Variants in ABCC4 observed in about 807,000 individuals in gnomAD.
ABCC4 encodes the protein ATP-binding cassette sub-family C member 4.
Under a neutral mutation model 168.5 loss-of-function variants are expected in ABCC4, and 102 were observed. The ratio of observed to expected loss-of-function variants is 0.61; its 90% CI spans 0.52 to 0.71. ABCC4 has a LOEUF of 0.71. Among genes scored for constraint, ABCC4 ranks in the 30% least tolerant of loss-of-function variants. The pLI is 0.00. For missense variants in ABCC4, 1,402 were observed against 1,605.8 expected (o/e 0.87, Z 2.17); for synonymous variants, 617 against 590.7 (o/e 1.04, Z -0.65).
At chr13:95,248,623 C>T (rs976999284) in intron 1 of ABCC4, among the ~76,000 whole-genome samples, 8 of 152,176 alleles carry the variant, frequency 5.3e-5, no homozygotes, top group Middle Eastern at 6.8e-3. Context: ...TAATAATTAA[C>T]ATGCACCAGG....
intron 19 of ABCC4, among the ~76,000 whole-genome samples, chr13:95,128,493 C>A (rs1333294086): frequency 3.3e-5 from 5 of 152,232 alleles, no homozygotes; most frequent in South Asian, 2.1e-4. Context: ...ATGCACAGGG[C>A]GTCTGCAAGT....
intron 4 of ABCC4, among the ~76,000 whole-genome samples, chr13:95,232,101 A>C (rs1450437697): frequency 2.8e-5 from 2 of 72,358 alleles, no homozygotes; most frequent in Non-Finnish European, 7.5e-5. Context: ...AACACAGATG[A>C]TGATGATGCT....
chr13:95,111,266 T>C (rs909779540), intron 20 of ABCC4, among the ~76,000 whole-genome samples: 8 of 152,186 alleles, frequency 5.3e-5, no homozygotes, highest in East Asian at 1.9e-4. Flanking sequence ...TTCAAAGCTG[T>C]TACAAGTTTT....
chr13:95,239,478 T>C (rs2039871432), intron 3 of ABCC4, among the ~76,000 whole-genome samples: 1 of 152,206 alleles, frequency 6.6e-6, no homozygotes, highest in Non-Finnish European at 1.5e-5. Flanking sequence ...CAAAAACTGT[T>C]CAGGGAGCCT....
At chr13:95,226,632 A>C (rs1458509628) in intron 4 of ABCC4, among the ~76,000 whole-genome samples, 3 of 152,202 alleles carry the variant, frequency 2.0e-5, no homozygotes, top group African/African-American at 7.2e-5. Context: ...GACTGCTCTG[A>C]GTCCATGATT....
chr13:95,024,100 G>C (rs1166771877), intron 30 of ABCC4, among the ~76,000 whole-genome samples: 1 of 151,600 alleles, frequency 6.6e-6, no homozygotes, highest in African/African-American at 2.4e-5. Flanking sequence ...CCAGCTACTC[G>C]GGAGGCTGAG....
At chr13:95,218,125 T>C (rs1414528448) in intron 4 of ABCC4, among the ~76,000 whole-genome samples, 18 of 152,226 alleles carry the variant, frequency 1.2e-4, no homozygotes, top group Non-Finnish European at 1.5e-5. Flanking sequence ...ACCCCAGAGT[T>C]GAGTTTGTGA....
chr13:95,047,037 T>G (rs2032607701), intron 27 of ABCC4, among the ~76,000 whole-genome samples: 1 of 152,232 alleles, frequency 6.6e-6, no homozygotes. Context: ...TGCAACTTCA[T>G]GGAAATGTCT....
At chr13:95,081,187 T>C (rs1455698639) in intron 21 of ABCC4, among the ~76,000 whole-genome samples, 1 of 147,660 alleles carries the variant, frequency 6.8e-6, no homozygotes, top group Non-Finnish European at 1.5e-5. Flanking sequence ...ATGAAAATGT[T>C]TTCAAGCTTT....
intron 20 of ABCC4, among the ~76,000 whole-genome samples, chr13:95,114,158 G>A (rs1191913725): frequency 6.6e-6 from 1 of 152,176 alleles, no homozygotes; most frequent in East Asian, 1.9e-4. Flanking sequence ...CCAAGATTAT[G>A]TGAGTGGATA....
intron 19 of ABCC4, among the ~76,000 whole-genome samples, chr13:95,136,258 C>T (rs2036141198): frequency 6.6e-6 from 1 of 152,030 alleles, no homozygotes; most frequent in South Asian, 2.1e-4. Flanking sequence ...CTGCAACCTC[C>T]GTCTTCTGGG....
At chr13:95,111,475 GC>G (rs2035202993) in intron 20 of ABCC4, among the ~76,000 whole-genome samples, 1 of 151,976 alleles carries the variant, frequency 6.6e-6, no homozygotes, top group Non-Finnish European at 1.5e-5. Flanking sequence ...CTTAATTCTG[GC>G]TTTCCTTCCA....
At chr13:95,121,803 G>A (rs2035580586) in intron 19 of ABCC4, among the ~76,000 whole-genome samples, 1 of 152,100 alleles carries the variant, frequency 6.6e-6, no homozygotes. Context: ...CCCAACCCCA[G>A]ACACCTCATC....
At chr13:95,040,616 A>C (rs1301021649) in intron 29 of ABCC4, among the ~76,000 whole-genome samples, 1 of 152,168 alleles carries the variant, frequency 6.6e-6, no homozygotes, top group Non-Finnish European at 1.5e-5. Flanking sequence ...ATTTTTCAAG[A>C]AGTAATTTTT....
At chr13:95,209,675 C>T (rs1407311838) in intron 5 of ABCC4, 78 bp from the exon 6 acceptor site, 1 of 1,364,534 alleles carries the variant, frequency 7.3e-7, no homozygotes, top group African/African-American at 1.5e-5. Context: ...AAACGATCCA[C>T]TGGAAAAGAA....
At chr13:95,209,372 T>C (rs541900311) in intron 6 of ABCC4, 62 bp downstream of exon 6, 20 of 1,548,624 alleles carry the variant, frequency 1.3e-5, no homozygotes, top group South Asian at 7.2e-5. Flanking sequence ...AACAAAAGCA[T>C]TGGGAAGACT....
chr13:95,175,379 C>A (rs2037639546), intron 13 of ABCC4, among the ~76,000 whole-genome samples: 2 of 152,084 alleles, frequency 1.3e-5, no homozygotes. Context: ...ATGGCGCTAT[C>A]TCGGCTCACT....
At chr13:95,116,788 C>CA (rs1388520387) in intron 19 of ABCC4, among the ~76,000 whole-genome samples, 2 of 152,090 alleles carry the variant, frequency 1.3e-5, no homozygotes, top group African/African-American at 2.4e-5. Flanking sequence ...TGATTTCCTT[C>CA]AAAAAAATGG....
chr13:95,083,226 G>A lies in ABCC4; in HGVS notation c.2600C>T (p.Pro867Leu), dbSNP rs1438543818. 5.6e-6 allele frequency: 9 copies of A among 1,613,926 alleles called. No individual in the cohort carries two copies. The highest frequency in any genetic ancestry group is 5.9e-6 in the Non-Finnish European group (7 of 1,179,944). ...AVAVIPWIAIPLVPLGIIFIF... is the reference protein window; with the variant it reads ...AVAVIPWIAILLVPLGIIFIF... ...GAAAATGATTCCAAGGGGAACCAAG[G>A]GTATTGCGATCCAAGGAATCACGGC... Residue 867 changes from proline (P) to leucine (L), a missense_variant, in exon 21 of 31, where the codon CCC becomes CTC. Pro to Leu is a moderately conservative substitution (Grantham distance 98). Coordinates refer to ENST00000645237, the MANE Select transcript of ABCC4 (RefSeq NM_005845.5).
Sources: allele counts gnomAD v4.1 joint callset (sites outside exome capture counted in the v4.1 genomes callset), GRCh38; gene constraint gnomAD v4.1.1; transcripts MANE v1.5; gene names NCBI Gene and HGNC (gene_info 2026-07-23, HGNC 2026-07-21).